The following DHRS9 variants were observed in gnomAD, a reference collection of about 807,000 sequenced individuals.
DHRS9 encodes the protein dehydrogenase/reductase SDR family member 9.
In DHRS9, 18 loss-of-function variants were observed where a neutral mutation model predicts 26.6. The observed-to-expected ratio is 0.68, with a 90% CI of 0.47 to 1.00. The LOEUF (loss-of-function observed/expected upper bound fraction) is 1.00, where lower values mean the gene tolerates loss of function less well. Ranked by LOEUF, DHRS9 falls within the 50% of genes least tolerant of loss-of-function variation. The probability of loss-of-function intolerance (pLI) is 0.00; values close to 1 mark genes in which losing one functional copy is unlikely to be tolerated. For synonymous variants in DHRS9, 134 were observed against 141.1 expected (o/e 0.95, Z 0.36); for missense variants, 425 against 378.7 (o/e 1.12, Z -1.01).
rs994852225 is a variant in DHRS9, at chr2:169,095,833, T to C, written c.*66T>C. 1 of 1,403,860 alleles carries C rather than the reference T, an allele frequency of 7.1e-7. No individual in the cohort carries two copies. The highest frequency in any genetic ancestry group is 1.8e-5 in the Admixed American group (1 of 56,126). 87.0% of individuals were successfully genotyped at this position (1,403,860 alleles called of 1,614,324 possible). On this transcript the variant is annotated 3_prime_UTR_variant, in exon 5 of 5. Coordinates refer to ENST00000674881, the MANE Select transcript of DHRS9 (RefSeq NM_001376924.1). ...GCCGATTTCAAGAACACATCTCCTTTTCAACCCCATTCCTTATCTGCTCCA... is the reference window on the plus strand; with the variant it reads ...GCCGATTTCAAGAACACATCTCCTTCTCAACCCCATTCCTTATCTGCTCCA...
At position 169,095,871 on chromosome 2, in the gene DHRS9, T is replaced by G. The variant is rs1684683988; in HGVS notation, c.*104T>G. On this transcript the variant is annotated 3_prime_UTR_variant, in exon 5 of 5. Transcript: ENST00000674881. Reference sequence around the variant, plus strand: ...CTTATCTGCTCCAACCTGGACTCATTTAGATCGTGCTTATTTGGATTGCAA... The same window carrying G: ...CTTATCTGCTCCAACCTGGACTCATGTAGATCGTGCTTATTTGGATTGCAA... The G allele has an allele frequency of 2.9e-6, 3 of 1,045,246 alleles. No individual in the cohort carries two copies. Among genetic ancestry groups the G allele is most frequent in the Non-Finnish European group, 4.3e-6 (3 of 704,348 alleles). The allele number at this position is 1,045,246 out of a possible 1,614,324, so 64.7% of individuals were successfully genotyped here.
intron 1 of DHRS9, chr2:169,069,987 T>A (rs1346378991): frequency 2.7e-6 from 2 of 752,336 alleles, no homozygotes; most frequent in Non-Finnish European, 3.2e-6. Context: ...CCCAATTCAA[T>A]TCATATTTTA....
intron 3 of DHRS9, among the ~76,000 whole-genome samples, chr2:169,086,632 G>A (rs1684360625): frequency 6.6e-6 from 1 of 151,706 alleles, no homozygotes; most frequent in Non-Finnish European, 1.5e-5. Context: ...CATCCTTCTG[G>A]GGAAGTCTTT....
At chr2:169,072,982 G>A (rs572415884) in intron 1 of DHRS9, among the ~76,000 whole-genome samples, 1 of 152,262 alleles carries the variant, frequency 6.6e-6, no homozygotes, top group Non-Finnish European at 1.5e-5. Context: ...ATCAAAATTG[G>A]AAGTGTGAAT....
chr2:169,079,062 T>A (rs1684060844), intron 1 of DHRS9, among the ~76,000 whole-genome samples: 1 of 152,068 alleles, frequency 6.6e-6, no homozygotes, highest in Admixed American at 6.6e-5. Flanking sequence ...TTGGCCAGAC[T>A]GGTCTCAAAC....
At chr2:169,071,476 G>A (rs1187546567) in intron 1 of DHRS9, among the ~76,000 whole-genome samples, 1 of 152,170 alleles carries the variant, frequency 6.6e-6, no homozygotes, top group Admixed American at 6.5e-5. Context: ...AATGCAAAAT[G>A]TAAATCCAGC....
chr2:169,086,672 G>C (rs1684362126), intron 3 of DHRS9, among the ~76,000 whole-genome samples: 2 of 152,182 alleles, frequency 1.3e-5, no homozygotes, highest in South Asian at 4.2e-4. Flanking sequence ...TGGCTGTTGT[G>C]ATCTAACTTT....
chr2:169,070,289 TGG>T, intron 1 of DHRS9: 2 of 985,398 alleles, frequency 2.0e-6, no homozygotes, highest in East Asian at 1.1e-4. Context: ...GATCCAGGGG[TGG>T]CAGCAATAAG....
intron 1 of DHRS9, chr2:169,070,915 T>A: frequency 4.4e-6 from 1 of 225,960 alleles, no homozygotes; most frequent in Non-Finnish European, 7.4e-6. Context: ...ATACAAAAAA[T>A]TAGCTAGGCG....
At chr2:169,075,727 C>T (rs1349336126) in intron 1 of DHRS9, among the ~76,000 whole-genome samples, 2 of 152,028 alleles carry the variant, frequency 1.3e-5, no homozygotes, top group African/African-American at 4.8e-5. Context: ...TTGAAGAGTA[C>T]AGCCATATAT....
At chr2:169,084,438 C>T (rs945220524) in intron 3 of DHRS9, among the ~76,000 whole-genome samples, 1 of 152,132 alleles carries the variant, frequency 6.6e-6, no homozygotes, top group African/African-American at 2.4e-5. Flanking sequence ...AGTGGTTGTA[C>T]TAATTTACAT....
chr2:169,082,959 C>T (rs1684237644), intron 2 of DHRS9, among the ~76,000 whole-genome samples: 1 of 151,992 alleles, frequency 6.6e-6, no homozygotes, highest in Non-Finnish European at 1.5e-5. Flanking sequence ...AGCAGCACAC[C>T]AACATGGCAC....
At chr2:169,070,338 G>A (rs2105276154) in intron 1 of DHRS9, 1 of 985,428 alleles carries the variant, frequency 1.0e-6, no homozygotes, top group African/African-American at 1.7e-5. Flanking sequence ...TTATGATCCG[G>A]TGGTTTGGTT....
chr2:169,076,326 CACTT>C (rs1309608489), intron 1 of DHRS9, among the ~76,000 whole-genome samples: 3 of 152,184 alleles, frequency 2.0e-5, no homozygotes, highest in Non-Finnish European at 4.4e-5. Context: ...ATTCGTTGAG[CACTT>C]ACTTACTTGT....
intron 1 of DHRS9, among the ~76,000 whole-genome samples, chr2:169,073,453 A>G (rs555075443): frequency 6.6e-6 from 1 of 152,314 alleles, no homozygotes; most frequent in East Asian, 1.9e-4. Flanking sequence ...TTCCTCCCTG[A>G]CTTGGTCAAC....
chr2:169,072,583 A>G, intron 1 of DHRS9: 2 of 985,328 alleles, frequency 2.0e-6, no homozygotes, highest in Non-Finnish European at 2.4e-6. Context: ...AGGAAAACAA[A>G]CTCAGGAAGA....
At chr2:169,081,489 A>G (rs1684179454) in intron 1 of DHRS9, 34 bp from the exon 2 acceptor site, 4 of 1,518,938 alleles carry the variant, frequency 2.6e-6, no homozygotes, top group African/African-American at 1.4e-5. Flanking sequence ...TGGTAGTTCT[A>G]ATTTGAATTT....
chr2:169,073,667 T>C lies in DHRS9; in HGVS notation c.-60+3950T>C, dbSNP rs576969241. Among the ~76,000 whole-genome samples the C allele has an allele frequency of 2.6e-5, 4 of 152,304 alleles. No individual in the cohort carries two copies. In the South Asian group the frequency reaches 8.3e-4, roughly 32 times the overall value. ...AAACCATATCAGCCTCTTATCCTCC[T>C]GATGACAAAAAGACATTTTAAAATA... is the stretch of plus-strand genomic sequence containing the variant. On this transcript the variant is annotated intron_variant, in intron 1 of 4. Transcript: ENST00000674881.
In DHRS9 at chr2:169,081,713, G is replaced by C; in HGVS notation, c.132G>C (p.Leu44Phe). ...GATGTGACTCGGGCTTTGGAAACTT[G>C]GCAGCCAGAACTTTTGATAAAAAGG... ...ITGCDSGFGN[L>F]AARTFDKKGF... The change falls in exon 2 of 5, where the codon TTG (leucine) becomes TTC (phenylalanine). Residue 44 changes from leucine (L) to phenylalanine (F), a missense_variant. Leu to Phe is a conservative substitution (Grantham distance 22). Coordinates refer to ENST00000674881, the MANE Select transcript of DHRS9 (RefSeq NM_001376924.1). 1 of 1,614,122 alleles carries C rather than the reference G, an allele frequency of 6.2e-7. No homozygotes were observed. Among genetic ancestry groups the C allele is most frequent in the South Asian group, 1.1e-5 (1 of 91,076 alleles).
Sources: allele counts gnomAD v4.1 joint callset (sites outside exome capture counted in the v4.1 genomes callset), GRCh38; gene constraint gnomAD v4.1.1; transcripts MANE v1.5; gene names NCBI Gene and HGNC (gene_info 2026-07-23, HGNC 2026-07-21).